The following CCDC7 variants were observed in gnomAD, a reference collection of about 807,000 sequenced individuals.
CCDC7 encodes coiled-coil domain-containing protein 7.
In CCDC7, 183 loss-of-function variants were observed where a neutral mutation model predicts 196.9. The observed-to-expected ratio is 0.93, with a 90% CI of 0.82 to 1.05. The LOEUF (loss-of-function observed/expected upper bound fraction) is 1.05. CCDC7 is among the 50% of genes least tolerant of loss of function. The pLI, the probability that CCDC7 is intolerant of heterozygous loss-of-function variation, is 0.00. For synonymous variants in CCDC7, 525 were observed against 484.6 expected, an observed-to-expected ratio of 1.08 and a Z score of -1.10; for missense variants, 1,540 against 1,482.2, an observed-to-expected ratio of 1.04 and a Z score of -0.64.
At chr10:32,611,029 A>C (rs1296890822) in intron 18 of CCDC7, among the ~76,000 whole-genome samples, 1 of 152,014 alleles carries the variant, frequency 6.6e-6, no homozygotes, top group Non-Finnish European at 1.5e-5. Flanking sequence ...ACTAATTGAC[A>C]CTCCCACCAA....
intron 41 of CCDC7, among the ~76,000 whole-genome samples, chr10:32,857,802 T>C (rs1242247251): frequency 6.7e-6 from 1 of 150,076 alleles, no homozygotes; most frequent in Non-Finnish European, 1.5e-5. Context: ...GAATAGAGAA[T>C]AGAAAAACTA....
intron 31 of CCDC7, among the ~76,000 whole-genome samples, chr10:32,820,462 C>A (rs1375492130): frequency 1.3e-5 from 2 of 152,170 alleles, no homozygotes; most frequent in African/African-American, 4.8e-5. Context: ...TTGGAAAAAA[C>A]TACTTTAAAG....
chr10:32,674,871 T>A (rs561567325), intron 21 of CCDC7, among the ~76,000 whole-genome samples: 2 of 152,178 alleles, frequency 1.3e-5, no homozygotes, highest in African/African-American at 4.8e-5. Flanking sequence ...TCTCTTGACA[T>A]CTTAGTTATC....
intron 21 of CCDC7, among the ~76,000 whole-genome samples, chr10:32,673,381 G>A (rs1245244912): frequency 6.6e-6 from 1 of 152,016 alleles, no homozygotes; most frequent in Admixed American, 6.6e-5. Flanking sequence ...TATGGGCATT[G>A]TAACAATATT....
intron 28 of CCDC7, among the ~76,000 whole-genome samples, chr10:32,774,289 C>A (rs560324554): frequency 3.0e-4 from 45 of 151,942 alleles, no homozygotes; most frequent in African/African-American, 1.0e-3. Context: ...AGAACCTTCC[C>A]CTTTTTTTTT....
Position 32,775,046 on chromosome 10 carries a change from A to G in CCDC7, c.2906-3931A>G, listed in dbSNP as rs146471923. Among the ~76,000 whole-genome samples the G allele has an allele frequency of 2.2e-4, 34 of 152,166 alleles. No individual in the cohort carries two copies. The East Asian group carries it at 4.6e-3, about 21-fold the overall frequency. On this transcript the variant is annotated intron_variant, in intron 28 of 41. Transcript: ENST00000639629. Reference sequence around the variant, plus strand: ...TTTACTGTCAGCATTCCTAACTTCTATTAGGAATCTCTGTCTCAAGCAATA... The same window carrying G: ...TTTACTGTCAGCATTCCTAACTTCTGTTAGGAATCTCTGTCTCAAGCAATA...
chr10:32,576,112 T>C lies in CCDC7; in HGVS notation c.1454+4219T>C, dbSNP rs2058151814. ...TGTTCACATCTGACAAACAGATCTG[T>C]TTTTCTCCATGGAGATGAGCCAGAT... On this transcript the variant is annotated intron_variant, in intron 16 of 41. Coordinates refer to ENST00000639629, the Ensembl canonical transcript of CCDC7. Among the ~76,000 whole-genome samples the C allele has an allele frequency of 2.0e-5, 3 of 152,140 alleles. No homozygotes were observed. In the South Asian group the frequency reaches 6.2e-4, roughly 32 times the overall value.
intron 18 of CCDC7, among the ~76,000 whole-genome samples, chr10:32,589,117 G>T (rs2370791): frequency 0.87 from 132,158 of 152,002 alleles, 57,662 homozygotes; most frequent in Non-Finnish European, 0.91. Flanking sequence ...ATTCTTTCTG[G>T]TTTTGTGTAC....
chr10:32,660,454 CTCA>C (rs1452338239), intron 20 of CCDC7, among the ~76,000 whole-genome samples: 4 of 134,030 alleles, frequency 3.0e-5, no homozygotes, highest in South Asian at 2.8e-4. Context: ...AGGACATGAA[CTCA>C]TCATTTTTTA....
intron 18 of CCDC7, among the ~76,000 whole-genome samples, chr10:32,602,599 A>G (rs1362411171): frequency 1.3e-5 from 2 of 151,898 alleles, no homozygotes; most frequent in African/African-American, 2.4e-5. Flanking sequence ...TTATTTATTT[A>G]TTTATTTTGC....
chr10:32,444,976 C>T (rs2030630343), upstream of CCDC7, among the ~76,000 whole-genome samples: 1 of 151,950 alleles, frequency 6.6e-6, no homozygotes, highest in Non-Finnish European at 1.5e-5. Context: ...GCCTCAGCCT[C>T]CTAAGTAGCT....
At chr10:32,789,096 C>CTTT (rs35122018) in intron 29 of CCDC7, among the ~76,000 whole-genome samples, 35 of 124,720 alleles carry the variant, frequency 2.8e-4, no homozygotes, top group Non-Finnish European at 3.8e-4. Context: ...CGGTAAAGGG[C>CTTT]TTTTTTTTTT....
At chr10:32,468,903 A>G (rs2037381005) in intron 5 of CCDC7, among the ~76,000 whole-genome samples, 5 of 152,234 alleles carry the variant, frequency 3.3e-5, no homozygotes, top group Non-Finnish European at 5.9e-5. Flanking sequence ...TTTGCATTAC[A>G]TGTTGCATTA....
intron 41 of CCDC7, among the ~76,000 whole-genome samples, chr10:32,875,272 A>G (rs986802736): frequency 1.3e-5 from 2 of 152,010 alleles, no homozygotes; most frequent in East Asian, 3.9e-4. Flanking sequence ...TTGGGATTTT[A>G]CATTTAAGTC....
At chr10:32,571,298 C>T (rs1166332916) in intron 15 of CCDC7, among the ~76,000 whole-genome samples, 1 of 152,118 alleles carries the variant, frequency 6.6e-6, no homozygotes, top group Non-Finnish European at 1.5e-5. Context: ...TGTGAGCCAC[C>T]TTGCCCGGCT....
chr10:32,670,932 G>A (rs1565066850), intron 21 of CCDC7, among the ~76,000 whole-genome samples: 1 of 151,938 alleles, frequency 6.6e-6, no homozygotes. Flanking sequence ...TTTATTTAAT[G>A]TGGGCTTTTA....
chr10:32,851,465 A>G (rs11009115), intron 39 of CCDC7, among the ~76,000 whole-genome samples: 1 of 152,208 alleles, frequency 6.6e-6, no homozygotes, highest in East Asian at 1.9e-4. Flanking sequence ...TTGTGGCCTA[A>G]CATACGATCT....
chr10:32,819,165 C>T (rs2089576836), intron 31 of CCDC7, among the ~76,000 whole-genome samples: 1 of 152,080 alleles, frequency 6.6e-6, no homozygotes, highest in South Asian at 2.1e-4. Flanking sequence ...TAGAAACTAC[C>T]ATCAGAGAAT....
chr10:32,702,007 G>A (rs1465361680), intron 24 of CCDC7, among the ~76,000 whole-genome samples: 1 of 152,076 alleles, frequency 6.6e-6, no homozygotes, highest in East Asian at 1.9e-4. Context: ...GGTTTTTTGT[G>A]TCTCTATTTC....
Sources: gnomAD v4.1 joint callset for allele counts (sites outside exome capture counted in the v4.1 genomes callset) on GRCh38, gnomAD v4.1.1 for gene constraint, MANE v1.5 for transcripts, NCBI Gene and HGNC (gene_info 2026-07-23, HGNC 2026-07-21) for gene names.